Variants in DPYSL3 observed in about 807,000 individuals in gnomAD.
DPYSL3 encodes the protein dihydropyrimidinase like 3, also known as dihydropyrimidinase-related protein 3.
DPYSL3 carries 16 observed loss-of-function variants against 66.1 expected under a neutral mutation model. The observed-to-expected ratio is 0.24, with a 90% CI of 0.16 to 0.37. DPYSL3 has a LOEUF of 0.37. Among genes scored for constraint, DPYSL3 ranks in the 10% least tolerant of loss-of-function variants. The pLI is 1.00. For missense variants in DPYSL3, 738 were observed against 916.2 expected, an observed-to-expected ratio of 0.81 and a Z score of 2.51; for synonymous variants, 338 against 345.1, an observed-to-expected ratio of 0.98 and a Z score of 0.23.
At chr5:147,445,718 G>A (rs566152893) in intron 1 of DPYSL3, among the ~76,000 whole-genome samples, 4 of 152,124 alleles carry the variant, frequency 2.6e-5, no homozygotes, top group African/African-American at 9.7e-5. Flanking sequence ...CAGACTCCGA[G>A]TTGTTTTTGG....
chr5:147,399,405 G>A (rs1262502645), intron 10 of DPYSL3, among the ~76,000 whole-genome samples, 153 bp from the exon 11 acceptor site: 1 of 152,212 alleles, frequency 6.6e-6, no homozygotes, highest in Non-Finnish European at 1.5e-5. Context: ...CACTCAGCAA[G>A]CTCGAATTAG....
At chr5:147,415,647 G>C in intron 4 of DPYSL3, 62 bp downstream of exon 4, 1 of 1,573,656 alleles carries the variant, frequency 6.4e-7, no homozygotes, top group Non-Finnish European at 8.7e-7. Context: ...TGAGTGGATG[G>C]TGTTGGAAGG....
At chr5:147,408,186 C>T (rs1007883637) in intron 7 of DPYSL3, among the ~76,000 whole-genome samples, 11 of 152,118 alleles carry the variant, frequency 7.2e-5, no homozygotes, top group Non-Finnish European at 1.3e-4. Context: ...CTCTGTGCTC[C>T]GTGCCAGTAG....
At chr5:147,481,627 G>A (rs1753245423) in intron 1 of DPYSL3, among the ~76,000 whole-genome samples, 1 of 152,204 alleles carries the variant, frequency 6.6e-6, no homozygotes, top group Admixed American at 6.5e-5. Context: ...GTGCCTGAAG[G>A]TGGGGCCTCA....
intron 1 of DPYSL3, among the ~76,000 whole-genome samples, chr5:147,507,251 T>G (rs1410525703): frequency 6.6e-6 from 1 of 152,122 alleles, no homozygotes; most frequent in Non-Finnish European, 1.5e-5. Context: ...TTAAAATGTC[T>G]CATAATAAGG....
At chr5:147,465,962 A>T (rs1185125173) in intron 1 of DPYSL3, among the ~76,000 whole-genome samples, 1 of 152,152 alleles carries the variant, frequency 6.6e-6, no homozygotes, top group African/African-American at 2.4e-5. Flanking sequence ...GCTTCCCAGG[A>T]TACTCAGCCA....
chr5:147,488,179 A>G (rs892484338), intron 1 of DPYSL3, among the ~76,000 whole-genome samples: 5 of 152,324 alleles, frequency 3.3e-5, no homozygotes, highest in African/African-American at 9.6e-5. Context: ...TAAGCTTTAC[A>G]TCTTTCCTCT....
At chr5:147,483,885 C>G (rs139859938) in intron 1 of DPYSL3, among the ~76,000 whole-genome samples, 155 of 152,234 alleles carry the variant, frequency 1.0e-3, no homozygotes, top group African/African-American at 3.4e-3. Flanking sequence ...TATCTCCCCC[C>G]CAAGGGATAC....
At chr5:147,454,214 C>T (rs1752804137) in intron 1 of DPYSL3, 1 of 152,104 alleles carries the variant, frequency 6.6e-6, no homozygotes, top group Non-Finnish European at 1.5e-5. Flanking sequence ...TCCCGGCTTC[C>T]CTCCCGGCAC....
At chr5:147,398,973 A>G in intron 11 of DPYSL3, 109 bp downstream of exon 11, 1 of 1,422,044 alleles carries the variant, frequency 7.0e-7, no homozygotes, top group Non-Finnish European at 9.5e-7. Flanking sequence ...TATTATTGCA[A>G]CCCGTCCTAG....
intron 1 of DPYSL3, chr5:147,473,078 C>T (rs1405656386): frequency 2.0e-5 from 3 of 152,108 alleles, no homozygotes; most frequent in Non-Finnish European, 4.4e-5. Context: ...GGGAACCAGA[C>T]TTTGTTTCTC....
chr5:147,459,982 C>T (rs1268024427), intron 1 of DPYSL3, among the ~76,000 whole-genome samples: 1 of 151,950 alleles, frequency 6.6e-6, no homozygotes, highest in Non-Finnish European at 1.5e-5. Flanking sequence ...TGGTGGTGGG[C>T]GCCTGTTATC....
chr5:147,395,360 T>C (rs1757937239), intron 13 of DPYSL3, among the ~76,000 whole-genome samples, 199 bp downstream of exon 13: 2 of 152,172 alleles, frequency 1.3e-5, no homozygotes, highest in South Asian at 4.1e-4. Context: ...CTGACTGCCT[T>C]GTCTTACTTT....
At chr5:147,506,786 A>T (rs1215831252) in intron 1 of DPYSL3, among the ~76,000 whole-genome samples, 2 of 152,196 alleles carry the variant, frequency 1.3e-5, no homozygotes, top group Non-Finnish European at 2.9e-5. Context: ...AGGCTAAGTT[A>T]CATGCTTACA....
At chr5:147,395,776 T>C in intron 12 of DPYSL3, 55 bp from the exon 13 acceptor site, 1 of 1,593,918 alleles carries the variant, frequency 6.3e-7, no homozygotes, top group Non-Finnish European at 8.5e-7. Context: ...TTAGGGTCTG[T>C]TCTAGGTATC....
At chr5:147,493,593 A>C (rs893051589) in intron 1 of DPYSL3, among the ~76,000 whole-genome samples, 4 of 152,062 alleles carry the variant, frequency 2.6e-5, no homozygotes, top group African/African-American at 7.2e-5. Flanking sequence ...AAAGAAAGGA[A>C]GGAAGAAAGA....
chr5:147,415,602 G>A, intron 4 of DPYSL3, 107 bp downstream of exon 4: 1 of 1,378,696 alleles, frequency 7.3e-7, no homozygotes, highest in Non-Finnish European at 1.0e-6. Flanking sequence ...TCACACTCAA[G>A]GTTCCAGGCT....
chr5:147,398,440 C>T (rs559686732), intron 11 of DPYSL3, among the ~76,000 whole-genome samples: 5 of 152,264 alleles, frequency 3.3e-5, no homozygotes, highest in South Asian at 4.2e-4. Flanking sequence ...ATCTATAAAA[C>T]GGAGGATAAT....
intron 12 of DPYSL3, 74 bp downstream of exon 12, chr5:147,397,592 T>G: frequency 6.7e-7 from 1 of 1,483,994 alleles, no homozygotes; most frequent in Non-Finnish European, 9.2e-7. Flanking sequence ...GTGCCCTGTG[T>G]TCATGGTTAC....
Sources: allele counts gnomAD v4.1 joint callset (sites outside exome capture counted in the v4.1 genomes callset), GRCh38; gene constraint gnomAD v4.1.1; transcripts MANE v1.5; gene names NCBI Gene and HGNC (gene_info 2026-07-23, HGNC 2026-07-21).